CES5A: variants seen among roughly 807,000 people sequenced by gnomAD.
The protein encoded by CES5A is carboxylesterase 5.
In CES5A, 67 loss-of-function variants were observed where a neutral mutation model predicts 62.9. The ratio of observed to expected loss-of-function variants is 1.07; its 90% CI spans 0.88 to 1.31. The LOEUF is 1.31. CES5A is among the 50% of genes most tolerant of loss of function. CES5A has a pLI of 0.00. For synonymous variants in CES5A, 296 were observed against 280.8 expected (o/e 1.05, Z -0.54); for missense variants, 748 against 708.5 (o/e 1.06, Z -0.63).
intron 1 of CES5A, among the ~76,000 whole-genome samples, chr16:55,924,273 A>T (rs766130681): frequency 7.9e-5 from 12 of 152,044 alleles, no homozygotes; most frequent in Non-Finnish European, 1.5e-4. Flanking sequence ...TAAATATGCC[A>T]ATAGCAAACA....
exon 1 of CES5A, chr16:55,955,977 C>G: frequency 7.3e-7 from 1 of 1,366,294 alleles, no homozygotes; most frequent in Non-Finnish European, 1.0e-6. Flanking sequence ...GTACATGGTA[C>G]AGCTGATAAA....
At chr16:55,909,878 G>A (rs572911128) in intron 1 of CES5A, among the ~76,000 whole-genome samples, 20 of 152,282 alleles carry the variant, frequency 1.3e-4, no homozygotes, top group African/African-American at 4.8e-4. Context: ...TGGTCCCTAA[G>A]GAGCCCCCAG....
intron 1 of CES5A, among the ~76,000 whole-genome samples, chr16:55,910,652 A>G (rs1418978207): frequency 6.6e-6 from 1 of 152,214 alleles, no homozygotes; most frequent in African/African-American, 2.4e-5. Context: ...CTTGGCAATT[A>G]AATTAATTAG....
intron 11 of CES5A, among the ~76,000 whole-genome samples, chr16:55,847,182 T>C (rs2033031491): frequency 6.6e-6 from 1 of 151,906 alleles, no homozygotes; most frequent in South Asian, 2.1e-4. Flanking sequence ...CTTCCTTCTC[T>C]CCATCCTCTC....
At chr16:55,929,989 T>C (rs2034293241), upstream of CES5A, among the ~76,000 whole-genome samples, 5 of 151,974 alleles carry the variant, frequency 3.3e-5, no homozygotes, top group African/African-American at 9.7e-5. Context: ...CAGCAGTGGC[T>C]CCCCAATATT....
intron 2 of CES5A, among the ~76,000 whole-genome samples, chr16:55,942,173 G>T (rs1379659396): frequency 6.6e-6 from 1 of 152,114 alleles, no homozygotes. Flanking sequence ...ATTAGACAAA[G>T]ATTTCTTCAG....
At chr16:55,863,283 G>T (rs1466463137) in intron 6 of CES5A, 65 bp downstream of exon 6, 9 of 890,624 alleles carry the variant, frequency 1.0e-5, no homozygotes, top group Admixed American at 8.5e-5. Context: ...TGGTGAGAAG[G>T]TGCCTGACCA....
rs368253654 is a variant in CES5A, at chr16:55,862,594, G to C, written c.810+754C>G. Among the ~76,000 whole-genome samples the C allele has an allele frequency of 7.0e-4, 106 of 152,296 alleles. 1 individual carries two copies. The South Asian group carries it at 0.017, about 24-fold the overall frequency. Reference sequence around the variant, plus strand: ...ACCAAAATCAATATTTCTGTGTATTGAGGGAATTTTTTTAAATTGCATAAC... The same window carrying C: ...ACCAAAATCAATATTTCTGTGTATTCAGGGAATTTTTTTAAATTGCATAAC... On this transcript the variant is annotated intron_variant, in intron 6 of 12. Coordinates refer to ENST00000290567, the MANE Select transcript of CES5A (RefSeq NM_001143685.2).
chr16:55,951,983 G>C (rs1179059549), intron 1 of CES5A, among the ~76,000 whole-genome samples: 2 of 151,984 alleles, frequency 1.3e-5, no homozygotes, highest in East Asian at 3.9e-4. Context: ...TTAAGAAGAG[G>C]AGACTTCATT....
chr16:55,941,285 A>C (rs1321792604), intron 2 of CES5A, among the ~76,000 whole-genome samples: 3 of 152,098 alleles, frequency 2.0e-5, no homozygotes, highest in African/African-American at 4.8e-5. Context: ...CTAATACCTG[A>C]GTTTAGCAAG....
intron 6 of CES5A, among the ~76,000 whole-genome samples, chr16:55,863,135 C>A (rs1226995222): frequency 6.6e-6 from 1 of 152,174 alleles, no homozygotes; most frequent in African/African-American, 2.4e-5. Context: ...CATACACACA[C>A]ACTTGTGCAC....
intron 2 of CES5A, among the ~76,000 whole-genome samples, chr16:55,946,961 C>T (rs1356533373): frequency 1.3e-5 from 2 of 152,164 alleles, no homozygotes; most frequent in African/African-American, 4.8e-5. Flanking sequence ...CACATCTGCT[C>T]ACATCCCATT....
At chr16:55,891,486 T>C (rs980510234) in intron 1 of CES5A, among the ~76,000 whole-genome samples, 4 of 152,180 alleles carry the variant, frequency 2.6e-5, no homozygotes, top group Non-Finnish European at 4.4e-5. Context: ...AATTAACATA[T>C]GTAAAATGAA....
At chr16:55,872,178 C>CAA (rs2033605195) in intron 2 of CES5A, among the ~76,000 whole-genome samples, 2 of 151,496 alleles carry the variant, frequency 1.3e-5, no homozygotes, top group Non-Finnish European at 3.0e-5. Context: ...TCCCCAGATG[C>CAA]GCAAAGGAAC....
chr16:55,875,120 G>A (rs1274802184), intron 1 of CES5A, 29 bp downstream of exon 1: 3 of 1,604,824 alleles, frequency 1.9e-6, no homozygotes, highest in Non-Finnish European at 2.6e-6. Context: ...CATCTTCTGA[G>A]AGCCCTCCTT....
intron 2 of CES5A, among the ~76,000 whole-genome samples, chr16:55,934,654 TGG>T (rs113166706): frequency 0.016 from 2,275 of 142,036 alleles, 68 homozygotes; most frequent in African/African-American, 0.055. Context: ...AGAAATTGTG[TGG>T]GGTGTGTGTG....
Position 55,865,995 on chromosome 16 carries a change from C to T in CES5A, c.673G>A (p.Glu225Lys), listed in dbSNP as rs756139665. 2.7e-5 allele frequency: 43 copies of T among 1,614,082 alleles called. No homozygotes were observed. The East Asian group carries it at 5.3e-4, about 20-fold the overall frequency. ...GAAACACTTATGGCTCCCGCGGACTCGCCAAAGATGGTCACAGAGCTGGGG... is the reference window on the plus strand; with the variant it reads ...GAAACACTTATGGCTCCCGCGGACTTGCCAAAGATGGTCACAGAGCTGGGG... Reference protein sequence around the residue: ...GDPSSVTIFGESAGAISVSSL... With the variant: ...GDPSSVTIFGKSAGAISVSSL... The change falls in exon 5 of 13, where the codon GAG becomes AAG. Residue 225 changes from glutamate to lysine, a missense_variant. Transcript: ENST00000290567.
chr16:55,949,711 T>A, intron 2 of CES5A: 7 of 520,352 alleles, frequency 1.3e-5, no homozygotes, highest in Non-Finnish European at 2.2e-5. Context: ...AATGGAACCA[T>A]GGACTGTGAG....
intron 9 of CES5A, among the ~76,000 whole-genome samples, chr16:55,854,691 C>A (rs1321000106): frequency 6.6e-6 from 1 of 151,088 alleles, no homozygotes; most frequent in Non-Finnish European, 1.5e-5. Flanking sequence ...ACCACCAGGC[C>A]TGGCTAATTT....
Sources: allele counts gnomAD v4.1 joint callset (sites outside exome capture counted in the v4.1 genomes callset), GRCh38; gene constraint gnomAD v4.1.1; transcripts MANE v1.5; gene names NCBI Gene and HGNC (gene_info 2026-07-23, HGNC 2026-07-21).